Variants in BNC2 observed in about 807,000 individuals in gnomAD.
BNC2 encodes zinc finger protein basonuclin-2.
BNC2 carries 20 observed loss-of-function variants against 76.3 expected under a neutral mutation model. That is an observed-to-expected ratio of 0.26 (90% CI 0.18 to 0.38). BNC2 has a LOEUF of 0.38. Ranked by LOEUF, BNC2 falls within the 10% of genes least tolerant of loss-of-function variation. BNC2 has a pLI of 1.00. For synonymous variants in BNC2, 582 were observed against 514.8 expected (o/e 1.13, Z -1.77); for missense variants, 1,382 against 1,399.8 (o/e 0.99, Z 0.20).
At chr9:16,824,089 T>C (rs1818400081) in intron 1 of BNC2, among the ~76,000 whole-genome samples, 1 of 152,182 alleles carries the variant, frequency 6.6e-6, no homozygotes, top group African/African-American at 2.4e-5. Flanking sequence ...ACCCAATGGT[T>C]AGGAGTGATA....
chr9:16,438,514 C>A (rs1427813992), intron 5 of BNC2, among the ~76,000 whole-genome samples: 2 of 152,046 alleles, frequency 1.3e-5, no homozygotes, highest in Non-Finnish European at 2.9e-5. Flanking sequence ...ACTTTAAAAT[C>A]CTGCAATGTA....
At chr9:16,489,136 C>T (rs1472904610) in intron 5 of BNC2, among the ~76,000 whole-genome samples, 1 of 152,130 alleles carries the variant, frequency 6.6e-6, no homozygotes, top group African/African-American at 2.4e-5. Context: ...ATGTGTCTTA[C>T]TTAATAAAAC....
chr9:16,670,766 T>C (rs910961440), intron 3 of BNC2, among the ~76,000 whole-genome samples: 2 of 152,140 alleles, frequency 1.3e-5, no homozygotes, highest in Admixed American at 6.6e-5. Context: ...TACACTACAA[T>C]AAATGCAAGA....
chr9:16,537,109 C>T (rs865791807), intron 5 of BNC2, among the ~76,000 whole-genome samples: 9 of 152,100 alleles, frequency 5.9e-5, no homozygotes, highest in Admixed American at 1.3e-4. Flanking sequence ...CTAGAAGCTC[C>T]AGATTTAACA....
chr9:16,483,143 C>T (rs545350499), intron 5 of BNC2, among the ~76,000 whole-genome samples: 10 of 152,238 alleles, frequency 6.6e-5, no homozygotes, highest in Admixed American at 2.6e-4. Flanking sequence ...GGGAATGAGA[C>T]GGGAAATGAA....
chr9:16,810,217 T>C (rs1360642159), intron 1 of BNC2, among the ~76,000 whole-genome samples: 1 of 152,194 alleles, frequency 6.6e-6, no homozygotes, highest in Non-Finnish European at 1.5e-5. Context: ...GGCCCACTGT[T>C]ATGCAATCCA....
intron 5 of BNC2, among the ~76,000 whole-genome samples, chr9:16,514,060 C>G (rs1442713965): frequency 6.6e-6 from 1 of 152,164 alleles, no homozygotes; most frequent in East Asian, 1.9e-4. Context: ...CAACTTTCTT[C>G]TCTGAGATGG....
chr9:16,436,307 G>T lies in BNC2; in HGVS notation c.1887C>A (p.Pro629=). The T allele has an allele frequency of 6.2e-7, 1 of 1,613,944 alleles. No individual in the cohort carries two copies. The highest frequency in any genetic ancestry group is 1.1e-5 in the South Asian group (1 of 91,062). The part of the protein sequence containing the change: ...ATHEPSADLA[P]KKKPRKSSMP... ...TGCTTGACTTCCTGGGCTTTTTCTT[G>T]GGTGCCAGGTCAGCACTGGGCTCAT... Residue 629 remains proline (P), a synonymous_variant, in exon 6 of 7, where the codon CCC becomes CCA. Coordinates refer to ENST00000380672, the MANE Select transcript of BNC2 (RefSeq NM_017637.6).
At chr9:16,657,664 G>A (rs1161955781) in intron 3 of BNC2, among the ~76,000 whole-genome samples, 1 of 152,130 alleles carries the variant, frequency 6.6e-6, no homozygotes. Context: ...ATTAATAATA[G>A]GAAAGAATTA....
intron 5 of BNC2, among the ~76,000 whole-genome samples, chr9:16,512,334 A>T (rs1196465675): frequency 6.6e-6 from 1 of 152,216 alleles, no homozygotes; most frequent in Admixed American, 6.5e-5. Flanking sequence ...GTTACTGAGG[A>T]CACTAAAATA....
intron 3 of BNC2, among the ~76,000 whole-genome samples, chr9:16,627,286 C>A (rs1305600673): frequency 6.6e-6 from 1 of 152,146 alleles, no homozygotes; most frequent in African/African-American, 2.4e-5. Flanking sequence ...CAATAGCAGG[C>A]TATGGGAGTG....
chr9:16,596,859 T>C (rs778147671), intron 3 of BNC2, among the ~76,000 whole-genome samples: 5 of 152,096 alleles, frequency 3.3e-5, no homozygotes, highest in Non-Finnish European at 5.9e-5. Flanking sequence ...AATAATTGTA[T>C]TTACTAAGTT....
chr9:16,661,698 T>C (rs971351157), intron 3 of BNC2, among the ~76,000 whole-genome samples: 1 of 152,238 alleles, frequency 6.6e-6, no homozygotes, highest in African/African-American at 2.4e-5. Flanking sequence ...GTGTTGTGTG[T>C]GTGTGATTTG....
intron 6 of BNC2, among the ~76,000 whole-genome samples, chr9:16,421,537 CA>C (rs1820710190): frequency 6.6e-6 from 1 of 152,184 alleles, no homozygotes; most frequent in Non-Finnish European, 1.5e-5. Flanking sequence ...CGAATTAACA[CA>C]AACCAAATTC....
chr9:16,728,068 T>C lies in BNC2; in HGVS notation c.130-71A>G. The stretch of plus-strand genomic sequence containing the variant: ...CAGGAGTGTAGTGTAGTTAAGAAGC[T>C]GGCTGAACTGTGCATTTCATTTGGG... On this transcript the variant is annotated intron_variant, in intron 2 of 6. Coordinates refer to ENST00000380672, the MANE Select transcript of BNC2 (RefSeq NM_017637.6). 6 of 1,074,076 alleles carry C rather than the reference T, an allele frequency of 5.6e-6. No homozygotes were observed. The South Asian group carries it at 7.3e-5, about 13-fold the overall frequency. The allele number at this position is 1,074,076 out of a possible 1,614,324, so 66.5% of individuals were successfully genotyped here. A position where few individuals can be genotyped will look rare whatever the true frequency, so the allele number is the denominator to read the frequency against.
At chr9:16,844,161 A>G (rs1408555854) in intron 1 of BNC2, among the ~76,000 whole-genome samples, 2 of 151,054 alleles carry the variant, frequency 1.3e-5, no homozygotes, top group African/African-American at 4.9e-5. Flanking sequence ...TTTTTACGTT[A>G]CAAAAAAAAA....
rs1254653352 is a variant in BNC2, at chr9:16,415,809, T to C, written c.*3180A>G. On this transcript the variant is annotated 3_prime_UTR_variant, in exon 7 of 7. Transcript: ENST00000380672. ...CCTTTTAAGCAAATAGGCTTTATATTGGAAAATGTTATTTACTCATTTAGA... is the reference window on the plus strand; with the variant it reads ...CCTTTTAAGCAAATAGGCTTTATATCGGAAAATGTTATTTACTCATTTAGA... 6.6e-6 allele frequency: 1 copy of C among 152,224 alleles called. No individual in the cohort carries two copies. The highest frequency in any genetic ancestry group is 1.5e-5 in the Non-Finnish European group (1 of 68,036). The allele number at this position is 152,224 out of a possible 1,614,324, so 9.4% of individuals were successfully genotyped here.
chr9:16,517,123 C>G (rs1348632776), intron 5 of BNC2, among the ~76,000 whole-genome samples: 1 of 152,086 alleles, frequency 6.6e-6, no homozygotes, highest in East Asian at 1.9e-4. Context: ...ATGGTGGTGT[C>G]TTTAGATTGA....
intron 3 of BNC2, among the ~76,000 whole-genome samples, chr9:16,616,790 GGGAA>G (rs548575000): frequency 0.032 from 334 of 10,378 alleles, 5 homozygotes; most frequent in African/African-American, 0.046. Context: ...GGAGGAAGGA[GGGAA>G]GGAAGGAAGG....
Sources: allele counts gnomAD v4.1 joint callset (sites outside exome capture counted in the v4.1 genomes callset), GRCh38; gene constraint gnomAD v4.1.1; transcripts MANE v1.5; gene names NCBI Gene and HGNC (gene_info 2026-07-23, HGNC 2026-07-21).